The following CDH22 variants were observed in gnomAD, a reference collection of about 807,000 sequenced individuals.
CDH22 encodes the protein cadherin-22.
Under a neutral mutation model 58.4 loss-of-function variants are expected in CDH22, and 30 were observed. The ratio of observed to expected loss-of-function variants is 0.51; its 90% CI spans 0.38 to 0.70. CDH22 has a LOEUF of 0.70. Among genes scored for constraint, CDH22 ranks in the 30% least tolerant of loss-of-function variants. CDH22 has a pLI of 0.00. For synonymous variants in CDH22, 513 were observed against 558.2 expected, an observed-to-expected ratio of 0.92 and a Z score of 1.14; for missense variants, 1,014 against 1,233.9, an observed-to-expected ratio of 0.82 and a Z score of 2.67.
rs547562909 is a variant in CDH22 at position 46,225,806 on chromosome 20, T to C, written c.670+1702A>G. ...GAAGCGTTTCTTTTTTTTTTCTTTT[T>C]AGCATTTCTTTAATGTTTGAATGTT... On this transcript the variant is annotated intron_variant, in intron 4 of 11. Coordinates refer to ENST00000537909, the MANE Select transcript of CDH22 (RefSeq NM_021248.3). Among the ~76,000 whole-genome samples the C allele has an allele frequency of 5.3e-5, 8 of 152,290 alleles. No homozygotes were observed. In the South Asian group the frequency reaches 1.4e-3, roughly 28 times the overall value.
intron 1 of CDH22, among the ~76,000 whole-genome samples, chr20:46,273,936 T>A (rs1346753613): frequency 6.6e-6 from 1 of 152,230 alleles, no homozygotes; most frequent in Non-Finnish European, 1.5e-5. Context: ...GCTGGGACAG[T>A]TCCCTGCAGC....
intron 1 of CDH22, among the ~76,000 whole-genome samples, chr20:46,290,997 G>A (rs1297366334): frequency 1.3e-5 from 2 of 152,176 alleles, no homozygotes; most frequent in African/African-American, 2.4e-5. Flanking sequence ...ATAACAGCTG[G>A]CTGGGCATGG....
At chr20:46,276,665 T>C (rs1351125571) in intron 1 of CDH22, among the ~76,000 whole-genome samples, 1 of 152,228 alleles carries the variant, frequency 6.6e-6, no homozygotes, top group Non-Finnish European at 1.5e-5. Flanking sequence ...ATAAGTGGTG[T>C]ATCCAGCATG....
At chr20:46,226,802 C>T (rs970074323) in intron 4 of CDH22, among the ~76,000 whole-genome samples, 1 of 152,210 alleles carries the variant, frequency 6.6e-6, no homozygotes, top group Non-Finnish European at 1.5e-5. Flanking sequence ...AATTGGCAGC[C>T]ACTCCCAGCT....
At position 46,181,744 on chromosome 20, in the gene CDH22, C is replaced by CTTTCTTTCT. The variant is rs1555800208; in HGVS notation, c.1664-3548_1664-3547insAGAAAGAAA. On this transcript the variant is annotated intron_variant, in intron 10 of 11. Coordinates refer to ENST00000537909, the MANE Select transcript of CDH22 (RefSeq NM_021248.3). ...CCTTCCTTCCTTCCTTCCTTCCTTCCTTCCTTCCTTCTTTCTTTCTTTCTT... is the reference window on the plus strand; with the variant it reads ...CCTTCCTTCCTTCCTTCCTTCCTTCCTTTCTTTCTTTCCTTCCTTCTTTCTTTCTTTCTT... 5.5e-3 allele frequency among the ~76,000 whole-genome samples: 168 copies of CTTTCTTTCT among 30,716 alleles called. 2 individuals carry two copies. The highest frequency in any genetic ancestry group is 9.7e-3 in the Non-Finnish European group (119 of 12,320). 20.2% of individuals were successfully genotyped at this position (30,716 alleles called of 152,430 possible). A position where few individuals can be genotyped will look rare whatever the true frequency, so the allele number is the denominator to read the frequency against.
intron 2 of CDH22, among the ~76,000 whole-genome samples, chr20:46,244,150 T>C (rs900673262): frequency 6.6e-6 from 1 of 152,212 alleles, no homozygotes; most frequent in Non-Finnish European, 1.5e-5. Context: ...GTCTCCATCA[T>C]GTCCCTGCAG....
Position 46,213,091 on chromosome 20 carries a change from C to G in CDH22, c.936G>C (p.Met312Ile). The G allele has an allele frequency of 1.2e-6, 2 of 1,614,188 alleles. No individual in the cohort carries two copies. The highest frequency in any genetic ancestry group is 1.7e-6 in the Non-Finnish European group (2 of 1,180,018). ...TGCTCTCGTCCTTAAGGTGGTAAGTCATGTCTGTGTTCTCTCCCACGTCTG... is the reference window on the plus strand; with the variant it reads ...TGCTCTCGTCCTTAAGGTGGTAAGTGATGTCTGTGTTCTCTCCCACGTCTG... ...EDSDVGENTD[M>I]TYHLKDESSS... Residue 312 changes from methionine to isoleucine, a missense_variant, in exon 6 of 12, where the codon ATG becomes ATC. This residue lies in a region of CDH22 where 806 missense variants were observed against 1,038.7 expected (regional missense o/e 0.78). Transcript: ENST00000537909.
chr20:46,232,112 G>C (rs1337710847), intron 3 of CDH22, among the ~76,000 whole-genome samples: 2 of 152,164 alleles, frequency 1.3e-5, no homozygotes, highest in African/African-American at 4.8e-5. Context: ...GACTTGGTTT[G>C]TTGTGGAACA....
chr20:46,186,889 G>C lies in CDH22; in HGVS notation c.1482C>G (p.Asp494Glu). 1 of 1,612,140 alleles carries C rather than the reference G, an allele frequency of 6.2e-7. No homozygotes were observed. The highest frequency in any genetic ancestry group is 8.5e-7 in the Non-Finnish European group (1 of 1,179,020). The change falls in exon 9 of 12, where the codon GAC (aspartate) becomes GAG (glutamate). Residue 494 changes from aspartate (D) to glutamate (E), a missense_variant. Around this residue, in one of 2 missense-constraint regions of CDH22, gnomAD observed 806 missense variants for 1,038.7 expected, o/e 0.78. Coordinates refer to ENST00000537909, the MANE Select transcript of CDH22 (RefSeq NM_021248.3). ...AGGGTGTGGCCAGTTCTGGGGGATT[G>C]TCGTTCACATCCAGGATTCGGATCC... is the stretch of plus-strand genomic sequence containing the variant. ...SLRIRILDVN[D>E]NPPELATPYE...
chr20:46,286,141 C>T (rs1170277900), intron 1 of CDH22, among the ~76,000 whole-genome samples: 1 of 151,134 alleles, frequency 6.6e-6, no homozygotes, highest in Non-Finnish European at 1.5e-5. Flanking sequence ...TTATGGAGCA[C>T]TTACTGTATG....
chr20:46,210,474 G>T lies in CDH22; in HGVS notation c.1119C>A (p.Gly373=). The change falls in exon 7 of 12, where the codon GGC becomes GGA. Residue 373 remains glycine (G), a synonymous_variant. Coordinates refer to ENST00000537909, the MANE Select transcript of CDH22 (RefSeq NM_021248.3). This position sits in a 1 kb window ranked among gnomAD's most constrained non-coding sequence, Gnocchi z 4.5. ...KFVDPRFADL[G]TFRDQAIVRV... The stretch of plus-strand genomic sequence containing the variant: ...GCACGATCGCCTGGTCGCGGAACGT[G>T]CCCAGGTCGGCGAAGCGGGGGTCCA... The T allele has an allele frequency of 6.3e-6, 9 of 1,434,042 alleles. No homozygotes were observed. The highest frequency in any genetic ancestry group is 8.2e-6 in the Non-Finnish European group (9 of 1,091,066). 88.8% of individuals were successfully genotyped at this position (1,434,042 alleles called of 1,614,324 possible). A position where few individuals can be genotyped will look rare whatever the true frequency, so the allele number is the denominator to read the frequency against.
rs1405344484 is a variant in CDH22 at position 46,216,267 on chromosome 20, G to C, written c.838+559C>G. Among the ~76,000 whole-genome samples, 1 of 152,234 alleles carries C rather than the reference G, an allele frequency of 6.6e-6. No homozygotes were observed. The highest frequency in any genetic ancestry group is 1.9e-4 in the East Asian group (1 of 5,192). On this transcript the variant is annotated intron_variant, in intron 5 of 11. Transcript: ENST00000537909. The surrounding 1 kb of genome is among the most constrained non-coding windows in gnomAD (Gnocchi z 5.3). ...CGCTGTGCCAGCAGAGGCAGAGGGTGGAAAGGCCTCCTAATTCAGAAGCAC... is the reference window on the plus strand; with the variant it reads ...CGCTGTGCCAGCAGAGGCAGAGGGTCGAAAGGCCTCCTAATTCAGAAGCAC...
chr20:46,194,615 T>C (rs370589471), intron 8 of CDH22, among the ~76,000 whole-genome samples: 1 of 152,234 alleles, frequency 6.6e-6, no homozygotes, highest in Non-Finnish European at 1.5e-5. Context: ...AGTAGGCACC[T>C]GCGCTAGGCA....
chr20:46,211,916 A>G (rs1260683736), intron 6 of CDH22, among the ~76,000 whole-genome samples: 1 of 151,990 alleles, frequency 6.6e-6, no homozygotes, highest in Non-Finnish European at 1.5e-5. Context: ...TCATCTATAA[A>G]ATGAACGATT....
chr20:46,217,255 CAGAT>C (rs1433687436), intron 4 of CDH22, among the ~76,000 whole-genome samples: 12 of 152,288 alleles, frequency 7.9e-5, no homozygotes, highest in African/African-American at 1.4e-4. Flanking sequence ...CACGGTCACA[CAGAT>C]AGACTCACAT....
intron 1 of CDH22, among the ~76,000 whole-genome samples, chr20:46,306,782 G>C (rs994752222): frequency 1.3e-5 from 2 of 152,316 alleles, no homozygotes; most frequent in Non-Finnish European, 2.9e-5. Flanking sequence ...TGTCACTATG[G>C]GTGTAGAGGC....
intron 1 of CDH22, among the ~76,000 whole-genome samples, chr20:46,269,659 C>T (rs1432411893): frequency 5.9e-5 from 9 of 152,202 alleles, no homozygotes; most frequent in South Asian, 4.1e-4. Context: ...CCACGTGGCC[C>T]GTTGTGGGTG....
rs2145654900 is a variant in CDH22 at position 46,186,654 on chromosome 20, G to A, written c.1597C>T (p.Arg533Cys). The A allele has an allele frequency of 2.5e-6, 4 of 1,613,686 alleles. No homozygotes were observed. The highest frequency in any genetic ancestry group is 3.4e-6 in the Non-Finnish European group (4 of 1,179,996). ...TCAGGCACCAGGCGGAAATAGAAGC[G>A]GTGCCCGCCTTGGGGCTCGTCTCTG... ...VDRDEPQGGH[R>C]FYFRLVPEAP... Residue 533 changes from arginine (R) to cysteine (C), a missense_variant, in exon 10 of 12, where the codon CGC becomes TGC. Physicochemically the swap from Arg to Cys is radical, Grantham distance 180 (BLOSUM62 -3). Around this residue, in one of 2 missense-constraint regions of CDH22, gnomAD observed 806 missense variants for 1,038.7 expected, o/e 0.78. Coordinates refer to ENST00000537909, the MANE Select transcript of CDH22 (RefSeq NM_021248.3).
intron 8 of CDH22, among the ~76,000 whole-genome samples, chr20:46,189,582 GCT>G (rs1433118700): frequency 1.3e-5 from 2 of 152,196 alleles, no homozygotes; most frequent in African/African-American, 4.8e-5. Flanking sequence ...GCTCCTGGAT[GCT>G]CACTGCAGAT....
Sources: allele counts gnomAD v4.1 joint callset (sites outside exome capture counted in the v4.1 genomes callset), GRCh38; gene constraint gnomAD v4.1.1; regional missense constraint gnomAD v4.1.1; non-coding constraint Gnocchi (gnomAD v3.1); transcripts MANE v1.5; gene names NCBI Gene and HGNC (gene_info 2026-07-23, HGNC 2026-07-21).